The following DHDDS variants were observed in gnomAD, a reference collection of about 807,000 sequenced individuals.
The protein encoded by DHDDS is dehydrodolichyl diphosphate synthase complex subunit DHDDS.
Under a neutral mutation model 46.2 loss-of-function variants are expected in DHDDS, and 16 were observed. The observed-to-expected ratio is 0.35, with a 90% CI of 0.23 to 0.53. The LOEUF is 0.53. Among genes scored for constraint, DHDDS ranks in the 20% least tolerant of loss-of-function variants. The pLI, the probability that DHDDS is intolerant of heterozygous loss-of-function variation, is 0.94. For missense variants in DHDDS, 340 were observed against 423.7 expected (o/e 0.80, Z 1.73); for synonymous variants, 151 against 163.1 (o/e 0.93, Z 0.56).
intron 2 of DHDDS, among the ~76,000 whole-genome samples, chr1:26,433,792 A>G (rs1464025420): frequency 1.3e-5 from 2 of 151,878 alleles, no homozygotes; most frequent in South Asian, 2.1e-4. Context: ...CTGGAGTGCA[A>G]TGGCGCAATC....
At chr1:26,442,642 T>C in intron 3 of DHDDS, 89 bp from the exon 4 acceptor site, 1 of 1,529,982 alleles carries the variant, frequency 6.5e-7, no homozygotes, top group Non-Finnish European at 9.1e-7. Context: ...GTCTCCTATC[T>C]CCAACTCTGA....
At chr1:26,443,597 G>C (rs1365210279) in intron 4 of DHDDS, among the ~76,000 whole-genome samples, 1 of 152,192 alleles carries the variant, frequency 6.6e-6, no homozygotes, top group African/African-American at 2.4e-5. Context: ...AGTTACAACT[G>C]TTGTGTGCCC....
intron 8 of DHDDS, chr1:26,467,288 T>C (rs1443385162): frequency 2.1e-6 from 1 of 470,808 alleles, no homozygotes; most frequent in Admixed American, 2.4e-5. Context: ...AAATCCTGTA[T>C]GTAGCACCCA....
chr1:26,440,427 C>T (rs1276077037), intron 3 of DHDDS, among the ~76,000 whole-genome samples: 2 of 152,164 alleles, frequency 1.3e-5, no homozygotes, highest in African/African-American at 2.4e-5. Flanking sequence ...TGACCTGCAG[C>T]GAGTTATGTA....
intron 2 of DHDDS, 91 bp downstream of exon 2, chr1:26,433,099 C>CAATTCATGATGTTAAGTGG: frequency 7.4e-7 from 1 of 1,352,660 alleles, no homozygotes; most frequent in Middle Eastern, 1.8e-4. Context: ...ATGTTAAGTG[C>CAATTCATGATGTTAAGTGG]AATTCATGAT....
At chr1:26,437,874 G>A (rs1028349875) in intron 2 of DHDDS, among the ~76,000 whole-genome samples, 5 of 152,096 alleles carry the variant, frequency 3.3e-5, no homozygotes, top group Admixed American at 1.3e-4. Flanking sequence ...GCTACTCAGC[G>A]GGAGGCAGAG....
In DHDDS at chr1:26,469,150, C is replaced by CA; in HGVS notation, c.*20dup. 6.2e-7 allele frequency: 1 copy of CA among 1,611,794 alleles called. No homozygotes were observed. The highest frequency in any genetic ancestry group is 2.2e-5 in the East Asian group (1 of 44,880). On this transcript the variant is annotated 3_prime_UTR_variant, in exon 9 of 9. Coordinates refer to ENST00000236342, the MANE Select transcript of DHDDS (RefSeq NM_205861.3). ...AGCCTGAATGAGGCTGGCCACCTGC[C>CA]ACTTTGCCCTGCCCTCTGCCTCCAG... is the stretch of plus-strand genomic sequence containing the variant.
At chr1:26,464,902 A>G (rs1056282696) in intron 8 of DHDDS, among the ~76,000 whole-genome samples, 1 of 152,158 alleles carries the variant, frequency 6.6e-6, no homozygotes, top group Non-Finnish European at 1.5e-5. Context: ...CAGCGGGTGG[A>G]TCGTAAGGGA....
intron 4 of DHDDS, among the ~76,000 whole-genome samples, chr1:26,443,888 T>C (rs2075242685): frequency 6.6e-6 from 1 of 152,242 alleles, no homozygotes; most frequent in South Asian, 2.1e-4. Context: ...GCCTAAAATA[T>C]ATTCTTACTC....
intron 5 of DHDDS, among the ~76,000 whole-genome samples, chr1:26,446,857 G>A (rs981255996): frequency 6.6e-6 from 1 of 152,160 alleles, no homozygotes; most frequent in African/African-American, 2.4e-5. Flanking sequence ...AGATGTACAG[G>A]GGAATAGAGT....
rs374657396 is a variant in DHDDS, at chr1:26,449,275, T to C, written c.542+1615T>C. Among the ~76,000 whole-genome samples the C allele has an allele frequency of 5.9e-5, 9 of 151,316 alleles. No homozygotes were observed. In the East Asian group the frequency reaches 1.8e-3, roughly 30 times the overall value. ...CACCGTGCCCAGCTAATTTTTTGTA[T>C]TTTTTAGTAGAGACGGGGTTTCACC... On this transcript the variant is annotated intron_variant, in intron 6 of 8. Transcript: ENST00000236342.
intron 6 of DHDDS, among the ~76,000 whole-genome samples, chr1:26,453,770 AT>A (rs1022461477): frequency 7.2e-5 from 11 of 152,180 alleles, no homozygotes; most frequent in East Asian, 1.9e-4. Flanking sequence ...AAACAAAAAA[AT>A]AAACCTATTC....
Position 26,455,201 on chromosome 1 carries a change from C to T in DHDDS, c.543-2590C>T, listed in dbSNP as rs577006698. 6.8e-6 allele frequency: 5 copies of T among 731,870 alleles called. No homozygotes were observed. The Admixed American group carries it at 7.3e-5, about 11-fold the overall frequency. 45.3% of individuals were successfully genotyped at this position (731,870 alleles called of 1,614,324 possible). On this transcript the variant is annotated intron_variant, in intron 6 of 8. Coordinates refer to ENST00000236342, the MANE Select transcript of DHDDS (RefSeq NM_205861.3). ...ATAGTGAACCATTTTCACAGATTAC[C>T]TCAGGCCGCTTAGGGAAAGAGCAAA...
intron 3 of DHDDS, among the ~76,000 whole-genome samples, chr1:26,439,085 T>C (rs9438550): frequency 0.82 from 124,078 of 151,772 alleles, 50,844 homozygotes; most frequent in East Asian, 0.88. Context: ...CCCGTCACCA[T>C]GTCCAACTAA....
chr1:26,432,874 T>C lies in DHDDS; in HGVS notation c.-55-17T>C. ...CAAACCTTGGTGACTTCTTATTTTCTTTCTTGTTTATCCAAGATTACCTGG... is the reference window on the plus strand; with the variant it reads ...CAAACCTTGGTGACTTCTTATTTTCCTTCTTGTTTATCCAAGATTACCTGG... On this transcript the variant is annotated splice_polypyrimidine_tract_variant and intron_variant, in intron 1 of 8. Transcript: ENST00000236342. 6.4e-7 allele frequency: 1 copy of C among 1,557,088 alleles called. No homozygotes were observed. Among genetic ancestry groups the C allele is most frequent in the South Asian group, 1.1e-5 (1 of 89,724 alleles).
rs752722280 is a variant in DHDDS, at chr1:26,447,593, C to A, written c.475C>A (p.Arg159Ser). ...FLNVCFAYTS[R>S]HEISNAVREM... ...GAATGTCTGTTTTGCATACACATCC[C>A]GTCATGAGATCAGCAATGCTGTGAG... The change falls in exon 6 of 9, where the codon CGT becomes AGT. Residue 159 changes from arginine (R) to serine (S), a missense_variant. Arg to Ser is a moderately radical substitution (Grantham distance 110). Coordinates refer to ENST00000236342, the MANE Select transcript of DHDDS (RefSeq NM_205861.3). The A allele has an allele frequency of 6.2e-7, 1 of 1,614,052 alleles. No homozygotes were observed. The highest frequency in any genetic ancestry group is 8.5e-7 in the Non-Finnish European group (1 of 1,180,044).
chr1:26,444,907 C>T (rs750500805), intron 4 of DHDDS, among the ~76,000 whole-genome samples: 1 of 152,196 alleles, frequency 6.6e-6, no homozygotes, highest in South Asian at 2.1e-4. Context: ...AATTAATCTC[C>T]CATTTTCCAA....
chr1:26,447,522 C>A, intron 5 of DHDDS, 37 bp from the exon 6 acceptor site: 1 of 1,538,262 alleles, frequency 6.5e-7, no homozygotes, highest in East Asian at 2.2e-5. Flanking sequence ...CAGTCCCTGT[C>A]CCCCTTTGGT....
intron 8 of DHDDS, among the ~76,000 whole-genome samples, chr1:26,466,875 C>T (rs564540057): frequency 5.3e-5 from 8 of 152,280 alleles, no homozygotes; most frequent in Admixed American, 2.0e-4. Context: ...ACTCTTATCC[C>T]GGTTTTGCAG....
Sources: allele counts gnomAD v4.1 joint callset (sites outside exome capture counted in the v4.1 genomes callset), GRCh38; gene constraint gnomAD v4.1.1; transcripts MANE v1.5; gene names NCBI Gene and HGNC (gene_info 2026-07-23, HGNC 2026-07-21).